Variants in MID1 observed in about 807,000 individuals in gnomAD.
MID1 encodes the protein midline 1.
Under a neutral mutation model 40.4 loss-of-function variants are expected in MID1, and 7 were observed. That is an observed-to-expected ratio of 0.17 (90% CI 0.10 to 0.33). MID1 has a LOEUF of 0.33. Ranked by LOEUF, MID1 falls within the 10% of genes least tolerant of loss-of-function variation. MID1 has a pLI of 1.00. For missense variants in MID1, 367 were observed against 558.5 expected, an observed-to-expected ratio of 0.66 and a Z score of 3.46; for synonymous variants, 229 against 221.2, an observed-to-expected ratio of 1.04 and a Z score of -0.31.
At chrX:10,615,925 T>C (rs909481550) in intron 1 of MID1, among the ~76,000 whole-genome samples, 1 of 112,691 alleles carries the variant, frequency 8.9e-6, no homozygotes, top group African/African-American at 3.2e-5. Flanking sequence ...CCTGGCTTTA[T>C]CGCCCTTTCT....
At chrX:10,507,699 C>T (rs999145146) in intron 3 of MID1, among the ~76,000 whole-genome samples, 2 of 112,023 alleles carry the variant, frequency 1.8e-5, no homozygotes, top group African/African-American at 6.5e-5. Flanking sequence ...CTTTCTCTGG[C>T]AAATCATCCC....
intron 1 of MID1, among the ~76,000 whole-genome samples, chrX:10,825,370 G>A (rs1054280095): frequency 3.6e-5 from 4 of 112,029 alleles, no homozygotes; most frequent in Admixed American, 1.9e-4. Flanking sequence ...CCCTTAATGG[G>A]AGAATATTTG....
chrX:10,728,396 G>A lies in MID1; in HGVS notation c.-187+105158C>T, dbSNP rs749037827. Reference sequence around the variant, plus strand: ...ACAGTGTTGACACAGTTCAATAAACGTTTATTGTTAAATAATACGAAATCA... The same window carrying A: ...ACAGTGTTGACACAGTTCAATAAACATTTATTGTTAAATAATACGAAATCA... On this transcript the variant is annotated intron_variant, in intron 1 of 10. Coordinates refer to the MID1 transcript ENST00000380785. Among the ~76,000 whole-genome samples, 107 of 111,801 alleles carry A rather than the reference G, an allele frequency of 9.6e-4. 1 individual carries two copies. Among genetic ancestry groups the A allele is most frequent in the Non-Finnish European group, 1.1e-3 (59 of 53,218 alleles).
At chrX:10,472,707 G>A (rs1381805108) in intron 6 of MID1, among the ~76,000 whole-genome samples, 5 of 112,132 alleles carry the variant, frequency 4.5e-5, no homozygotes, top group East Asian at 5.6e-4. Flanking sequence ...TTTGTCCATC[G>A]TTTCCCCTCC....
At chrX:10,734,508 T>C (rs148805250) in intron 1 of MID1, among the ~76,000 whole-genome samples, 1,340 of 108,420 alleles carry the variant, frequency 0.012, 17 homozygotes, top group African/African-American at 0.042. Context: ...TGTTTACCTA[T>C]GTAACAAACC....
intron 1 of MID1, among the ~76,000 whole-genome samples, chrX:10,692,435 G>A (rs2043137308): frequency 9.0e-6 from 1 of 111,232 alleles, no homozygotes; most frequent in Admixed American, 9.6e-5. Context: ...CCAACATGGT[G>A]AAACCCCATC....
intron 1 of MID1, among the ~76,000 whole-genome samples, chrX:10,763,178 T>C (rs954491746): frequency 9.1e-6 from 1 of 109,932 alleles, no homozygotes; most frequent in African/African-American, 3.3e-5. Flanking sequence ...TTTATTTTTA[T>C]TATACTTTAA....
intron 6 of MID1, among the ~76,000 whole-genome samples, chrX:10,473,201 G>C (rs73492951): frequency 0.045 from 5,058 of 112,114 alleles, 268 homozygotes; most frequent in African/African-American, 0.15. Context: ...GGATAGTACA[G>C]ATATAGAACA....
intron 1 of MID1, among the ~76,000 whole-genome samples, chrX:10,822,785 C>T (rs1421267284): frequency 1.8e-5 from 2 of 111,764 alleles, no homozygotes; most frequent in African/African-American, 6.5e-5. Context: ...TCATCTCATG[C>T]CAGTCAGAAT....
At chrX:10,566,619 A>G (rs940031552) in intron 2 of MID1, among the ~76,000 whole-genome samples, 3 of 108,363 alleles carry the variant, frequency 2.8e-5, no homozygotes, top group Non-Finnish European at 5.7e-5. Flanking sequence ...ATTGAAAATG[A>G]TCCAGAAAAA....
At chrX:10,661,313 T>G (rs1408797307) in intron 1 of MID1, among the ~76,000 whole-genome samples, 1 of 103,638 alleles carries the variant, frequency 9.6e-6, no homozygotes, top group Non-Finnish European at 1.9e-5. Flanking sequence ...TGTCTCCAAC[T>G]ATTTCTTTTT....
At chrX:10,696,222 C>T (rs1056875826) in intron 1 of MID1, among the ~76,000 whole-genome samples, 6 of 111,360 alleles carry the variant, frequency 5.4e-5, no homozygotes, top group Admixed American at 2.9e-4. Context: ...TAGGATCACT[C>T]GACTAGAAAA....
chrX:10,811,910 A>AT (rs1161581799), intron 1 of MID1, among the ~76,000 whole-genome samples: 2 of 111,879 alleles, frequency 1.8e-5, no homozygotes, highest in African/African-American at 3.3e-5. Flanking sequence ...TCTTTCTTAT[A>AT]TTTTTTGATG....
At chrX:10,533,351 A>AGAAC (rs1555900682) in intron 2 of MID1, among the ~76,000 whole-genome samples, 1 of 81,805 alleles carries the variant, frequency 1.2e-5, no homozygotes, top group Non-Finnish European at 2.3e-5. Flanking sequence ...AAAGAAAGAA[A>AGAAC]GAAAGAAAGA....
chrX:10,634,067 A>G (rs376814017), intron 1 of MID1, among the ~76,000 whole-genome samples: 36 of 111,529 alleles, frequency 3.2e-4, no homozygotes, highest in African/African-American at 1.1e-3. Flanking sequence ...TCACAATAGA[A>G]GGATTGTGGG....
intron 1 of MID1, among the ~76,000 whole-genome samples, chrX:10,664,067 C>T (rs921878859): frequency 2.9e-4 from 32 of 111,176 alleles, no homozygotes; most frequent in Non-Finnish European, 4.7e-4. Context: ...CAGCTTCACT[C>T]ATGACAGCTA....
chrX:10,810,696 C>CTGTGTGTGTGTGTG (rs370482398), intron 1 of MID1, among the ~76,000 whole-genome samples: 55 of 101,122 alleles, frequency 5.4e-4, no homozygotes, highest in African/African-American at 1.8e-3. Context: ...GTTGTTTTCT[C>CTGTGTGTGTGTGTG]TGTGTGTGTG....
chrX:10,796,615 A>C (rs191828238), intron 1 of MID1, among the ~76,000 whole-genome samples: 41 of 110,134 alleles, frequency 3.7e-4, no homozygotes, highest in Non-Finnish European at 2.1e-4. Context: ...TCTTATTAAT[A>C]AAACCCAAAC....
At chrX:10,568,930 G>A (rs1464326179) in intron 1 of MID1, among the ~76,000 whole-genome samples, 2 of 111,875 alleles carry the variant, frequency 1.8e-5, no homozygotes, top group Admixed American at 1.9e-4. Flanking sequence ...ATTGCAGGCT[G>A]TGGGAGAACA....
Sources: gnomAD v4.1 joint callset for allele counts (sites outside exome capture counted in the v4.1 genomes callset) on GRCh38, gnomAD v4.1.1 for gene constraint, MANE v1.5 for transcripts, NCBI Gene and HGNC (gene_info 2026-07-23, HGNC 2026-07-21) for gene names.